Variants in SLC12A7 observed in about 807,000 individuals in gnomAD.
SLC12A7 encodes the protein K-Cl cotransporter 4.
A neutral mutation model predicts 120.6 loss-of-function variants in SLC12A7; 100 were observed. That is an observed-to-expected ratio of 0.83 (90% CI 0.71 to 0.98). The LOEUF (loss-of-function observed/expected upper bound fraction) is 0.98. Among genes scored for constraint, SLC12A7 ranks in the 50% least tolerant of loss-of-function variants. The probability of loss-of-function intolerance (pLI) is 0.00; values close to 1 mark genes in which losing one functional copy is unlikely to be tolerated. For missense variants in SLC12A7, 1,373 were observed against 1,548.1 expected (o/e 0.89, Z 1.90); for synonymous variants, 760 against 678.0 (o/e 1.12, Z -1.88).
At chr5:1,062,165 G>A (rs1447136490) in intron 20 of SLC12A7, among the ~76,000 whole-genome samples, 1 of 152,198 alleles carries the variant, frequency 6.6e-6, no homozygotes, top group East Asian at 1.9e-4. Context: ...TGGCACCACG[G>A]AGGGGCTGGG....
At chr5:1,145,458 G>A in the SLC12A7 span, among the ~76,000 whole-genome samples, 1 of 152,218 alleles carries the variant, frequency 6.6e-6, no homozygotes, top group East Asian at 1.9e-4. This position sits in a 1 kb window ranked among gnomAD's most constrained non-coding sequence, Gnocchi z 4.4. Context: ...ATCGGAGGCT[G>A]CAGGCTGCCT....
At chr5:1,064,307 C>A (rs1736682133) in intron 18 of SLC12A7, 55 bp from the exon 19 acceptor site, 1 of 1,558,006 alleles carries the variant, frequency 6.4e-7, no homozygotes, top group South Asian at 1.2e-5. Context: ...GCGGAAGGGG[C>A]CTCCCCGGGG....
chr5:1,091,927 G>C (rs910869692), intron 3 of SLC12A7, among the ~76,000 whole-genome samples: 2 of 152,232 alleles, frequency 1.3e-5, no homozygotes, highest in African/African-American at 2.4e-5. Flanking sequence ...ACAGACAGGG[G>C]GGGCGGCCAC....
rs544711393 is a variant in SLC12A7, at chr5:1,092,942, T to C, written c.342+591A>G. Among the ~76,000 whole-genome samples the C allele has an allele frequency of 8.5e-5, 13 of 152,244 alleles. No homozygotes were observed. The South Asian group carries it at 2.5e-3, about 29-fold the overall frequency. On this transcript the variant is annotated intron_variant, in intron 3 of 23. Coordinates refer to ENST00000264930, the MANE Select transcript of SLC12A7 (RefSeq NM_006598.3). Reference sequence around the variant, plus strand: ...CAGGGTGGCTCTCAGGCAACCCGTCTGTACAGGACGGCAGAACCCTCCCGA... The same window carrying C: ...CAGGGTGGCTCTCAGGCAACCCGTCCGTACAGGACGGCAGAACCCTCCCGA...
intron 8 of SLC12A7, among the ~76,000 whole-genome samples, chr5:1,082,800 A>AAAGCCTGGGCTTCCCGTCTTG (rs1739337879): frequency 1.7e-5 from 1 of 58,890 alleles, no homozygotes; most frequent in Non-Finnish European, 3.9e-5. Context: ...TTCCCGTCTC[A>AAAGCCTGGGCTTCCCGTCTTG]GGTTCTGGAA....
intron 13 of SLC12A7, 74 bp downstream of exon 13, chr5:1,076,620 G>T: frequency 9.1e-7 from 1 of 1,097,940 alleles, no homozygotes; most frequent in Non-Finnish European, 1.4e-6. Context: ...TCCTGAGCAG[G>T]ACCTCCCATC....
intron 1 of SLC12A7, among the ~76,000 whole-genome samples, chr5:1,109,339 G>A (rs1050391367): frequency 2.0e-5 from 3 of 152,192 alleles, no homozygotes; most frequent in Non-Finnish European, 2.9e-5. Context: ...ACTCTACCCT[G>A]AAGTCGGACG....
intron 8 of SLC12A7, among the ~76,000 whole-genome samples, chr5:1,083,005 ATCTCAGGTTCTGGAAAGCCTG>A (rs1739379322): frequency 1.1e-5 from 1 of 88,742 alleles, no homozygotes; most frequent in African/African-American, 4.9e-5. Context: ...CGGGCTTCCC[ATCTCAGGTTCTGGAAAGCCTG>A]GGCTTCCCGT....
At chr5:1,068,473 G>T (rs1392646159) in intron 17 of SLC12A7, among the ~76,000 whole-genome samples, 1 of 152,208 alleles carries the variant, frequency 6.6e-6, no homozygotes, top group Non-Finnish European at 1.5e-5. Flanking sequence ...AAATAAAAAA[G>T]ATTTGCCCAG....
intron 22 of SLC12A7, chr5:1,057,182 G>T (rs1472734130): frequency 2.5e-6 from 1 of 401,040 alleles, no homozygotes; most frequent in Non-Finnish European, 4.4e-6. Context: ...TCAGCGCTTG[G>T]CACTAGAAGG....
chr5:1,063,983 C>G lies in SLC12A7; in HGVS notation c.2608-8G>C. Reference sequence around the variant, plus strand: ...CCGGCACTTCCTCCACACCTGCAGACAGGGAGGGCATGGCTGTGGGGCCTC... The same window carrying G: ...CCGGCACTTCCTCCACACCTGCAGAGAGGGAGGGCATGGCTGTGGGGCCTC... On this transcript the variant is annotated splice_region_variant and splice_polypyrimidine_tract_variant and intron_variant, in intron 19 of 23. Transcript: ENST00000264930. 1 of 1,611,724 alleles carries G rather than the reference C, an allele frequency of 6.2e-7. No homozygotes were observed. The highest frequency in any genetic ancestry group is 2.2e-5 in the East Asian group (1 of 44,864).
chr5:1,104,068 G>C (rs376069015), intron 1 of SLC12A7, among the ~76,000 whole-genome samples: 1 of 152,188 alleles, frequency 6.6e-6, no homozygotes, highest in Non-Finnish European at 1.5e-5. Flanking sequence ...GGCTGCGGTC[G>C]GGGACCCTTG....
the SLC12A7 span, among the ~76,000 whole-genome samples, chr5:1,140,291 A>C: frequency 3.3e-5 from 5 of 152,304 alleles, no homozygotes; most frequent in South Asian, 1.0e-3. Context: ...AGCACATCCC[A>C]GGCGATGAGG....
At position 1,064,124 on chromosome 5, in the gene SLC12A7, C is replaced by T. The variant is rs1251796111; in HGVS notation, c.2566G>A (p.Gly856Ser). ...IDVWWIVHDG[G>S]MLMLLPFLLR... The stretch of plus-strand genomic sequence containing the variant: ...AGGAAGGGCAGCAGCATGAGCATGC[C>T]GCCGTCGTGCACGATCCACCACACG... The change falls in exon 19 of 24, where the codon GGC (glycine) becomes AGC (serine). Residue 856 changes from glycine (G) to serine (S), a missense_variant. By Grantham distance (56) the Gly-to-Ser change is moderately conservative (BLOSUM62 0). Transcript: ENST00000264930. The T allele has an allele frequency of 1.2e-6, 2 of 1,610,464 alleles. No individual in the cohort carries two copies. The highest frequency in any genetic ancestry group is 8.5e-7 in the Non-Finnish European group (1 of 1,178,474).
chr5:1,119,610 T>C, the SLC12A7 span, among the ~76,000 whole-genome samples: 2 of 152,316 alleles, frequency 1.3e-5, no homozygotes, highest in Admixed American at 1.3e-4. Context: ...CAGCGACCGT[T>C]TCAGGAAGCA....
In SLC12A7 at chr5:1,076,233, G is replaced by A. The variant is rs1258779122; in HGVS notation, c.1752C>T (p.Phe584=). 2 of 1,608,390 alleles carry A rather than the reference G, an allele frequency of 1.2e-6. No homozygotes were observed. Among genetic ancestry groups the A allele is most frequent in the Non-Finnish European group, 1.7e-6 (2 of 1,178,096 alleles). The stretch of plus-strand genomic sequence containing the variant: ...TCACGAACAGGTAGCACATGAGGAA[G>A]AACCTGCAGGGACGGCCGGCCACTG... The part of the protein sequence containing the change: ...LDSVAPILSM[F]FLMCYLFVNL... Residue 584 remains phenylalanine, a synonymous_variant, in exon 14 of 24, where the codon TTC becomes TTT. Coordinates refer to ENST00000264930, the MANE Select transcript of SLC12A7 (RefSeq NM_006598.3).
intron 1 of SLC12A7, among the ~76,000 whole-genome samples, chr5:1,104,637 G>T (rs532558387): frequency 6.6e-6 from 1 of 150,548 alleles, no homozygotes; most frequent in Non-Finnish European, 1.5e-5. Context: ...CTCTCATCCC[G>T]GACCCCAGGA....
chr5:1,147,102 T>G, the SLC12A7 span, among the ~76,000 whole-genome samples: 1 of 152,120 alleles, frequency 6.6e-6, no homozygotes, highest in Non-Finnish European at 1.5e-5. Context: ...TTTCCTTTCT[T>G]TTGTAAACTA....
At chr5:1,079,034 CAGGGGACCATGCTG>C (rs1311275261) in intron 10 of SLC12A7, among the ~76,000 whole-genome samples, 1 of 152,260 alleles carries the variant, frequency 6.6e-6, no homozygotes, top group East Asian at 1.9e-4. Context: ...CAGGGATTGG[CAGGGGACCATGCTG>C]AGGGGACAAT....
Sources: gnomAD v4.1 joint callset for allele counts (sites outside exome capture counted in the v4.1 genomes callset) on GRCh38, gnomAD v4.1.1 for gene constraint, Gnocchi (gnomAD v3.1) non-coding constraint, MANE v1.5 for transcripts, NCBI Gene and HGNC (gene_info 2026-07-23, HGNC 2026-07-21) for gene names.